Variants in SGCD observed in about 807,000 individuals in gnomAD.
SGCD encodes the protein sarcoglycan delta.
SGCD carries 18 observed loss-of-function variants against 36.6 expected under a neutral mutation model. The ratio of observed to expected loss-of-function variants is 0.49; its 90% CI spans 0.34 to 0.73. The LOEUF is 0.73. Among genes scored for constraint, SGCD ranks in the 30% least tolerant of loss-of-function variants. The pLI is 0.01. For missense variants in SGCD, 387 were observed against 346.7 expected (o/e 1.12, Z -0.92); for synonymous variants, 133 against 130.6 (o/e 1.02, Z -0.12).
chr5:156,620,216 T>C (rs1762189136), intron 6 of SGCD, among the ~76,000 whole-genome samples: 1 of 152,168 alleles, frequency 6.6e-6, no homozygotes, highest in Non-Finnish European at 1.5e-5. Flanking sequence ...TACATAATTA[T>C]GTCAAGTACT....
At chr5:155,897,769 T>C (rs1319580005) in intron 1 of SGCD, among the ~76,000 whole-genome samples, 1 of 152,190 alleles carries the variant, frequency 6.6e-6, no homozygotes, top group African/African-American at 2.4e-5. Flanking sequence ...GATATTACTA[T>C]ATTATAGGAA....
At chr5:155,937,358 G>T (rs946609680) in intron 1 of SGCD, among the ~76,000 whole-genome samples, 15 of 152,190 alleles carry the variant, frequency 9.9e-5, no homozygotes, top group African/African-American at 3.6e-4. Flanking sequence ...TGGAGCCAAG[G>T]TTTGATTCCA....
At chr5:155,889,288 AT>A (rs966456971) in intron 1 of SGCD, among the ~76,000 whole-genome samples, 2 of 151,856 alleles carry the variant, frequency 1.3e-5, no homozygotes, top group African/African-American at 2.4e-5. Flanking sequence ...CAAAAAAATG[AT>A]TTTTTTTCTC....
At chr5:156,673,733 A>C (rs529965288) in intron 7 of SGCD, among the ~76,000 whole-genome samples, 1 of 152,350 alleles carries the variant, frequency 6.6e-6, no homozygotes, top group South Asian at 2.1e-4. Flanking sequence ...TGTGAATTAT[A>C]GTCACTTCAC....
chr5:155,976,136 A>G (rs1407042576), intron 1 of SGCD, among the ~76,000 whole-genome samples: 1 of 152,168 alleles, frequency 6.6e-6, no homozygotes, highest in Non-Finnish European at 1.5e-5. Flanking sequence ...TGTAAGACAG[A>G]TGCACACTGA....
At chr5:156,239,123 G>C (rs565647958) in intron 3 of SGCD, among the ~76,000 whole-genome samples, 2 of 152,186 alleles carry the variant, frequency 1.3e-5, no homozygotes, top group African/African-American at 4.8e-5. Context: ...TTGGAGGCTG[G>C]GCATGGTGGC....
chr5:156,501,584 C>T (rs1477994362), intron 3 of SGCD, among the ~76,000 whole-genome samples: 1 of 152,220 alleles, frequency 6.6e-6, no homozygotes, highest in East Asian at 1.9e-4. Flanking sequence ...GGTAATTCCC[C>T]AGATTCCACC....
At chr5:156,746,789 T>A (rs989142535) in intron 7 of SGCD, among the ~76,000 whole-genome samples, 1 of 152,198 alleles carries the variant, frequency 6.6e-6, no homozygotes, top group Admixed American at 6.5e-5. Flanking sequence ...AATATCTTTG[T>A]GACCTTGGGG....
At position 156,246,899 on chromosome 5, in the gene SGCD, G is replaced by A. The variant is rs141233296; in HGVS notation, c.-43-82635G>A. On this transcript the variant is annotated intron_variant, in intron 3 of 9. Transcript: ENST00000517913. Reference sequence around the variant, plus strand: ...AATGACCACTTTAGGCCTAAAACATGTAATTAAGCTCCAGTACTAAGCATC... The same window carrying A: ...AATGACCACTTTAGGCCTAAAACATATAATTAAGCTCCAGTACTAAGCATC... Among the ~76,000 whole-genome samples the A allele has an allele frequency of 2.3e-4, 35 of 152,188 alleles. No homozygotes were observed. The East Asian group carries it at 6.4e-3, about 28-fold the overall frequency.
chr5:156,257,554 A>C (rs930345557), intron 3 of SGCD, among the ~76,000 whole-genome samples: 5 of 151,934 alleles, frequency 3.3e-5, no homozygotes, highest in African/African-American at 1.2e-4. Flanking sequence ...CACCCTCTGT[A>C]TGCCAGTTTC....
intron 3 of SGCD, among the ~76,000 whole-genome samples, chr5:156,381,059 G>A (rs1046451505): frequency 7.9e-5 from 12 of 152,256 alleles, no homozygotes; most frequent in Admixed American, 1.3e-4. Flanking sequence ...GAAAATAATG[G>A]CAATTGAGAA....
chr5:156,588,818 A>G (rs1760598892), intron 4 of SGCD, among the ~76,000 whole-genome samples: 2 of 152,232 alleles, frequency 1.3e-5, no homozygotes, highest in African/African-American at 4.8e-5. Flanking sequence ...CTCTTCTATA[A>G]GGACTCTGCA....
At chr5:155,759,523 T>G in the SGCD span, among the ~76,000 whole-genome samples, 1 of 152,336 alleles carries the variant, frequency 6.6e-6, no homozygotes, top group South Asian at 2.1e-4. Context: ...AATGACACTG[T>G]GCTTGAAATC....
intron 6 of SGCD, among the ~76,000 whole-genome samples, chr5:156,621,536 T>C (rs546430975): frequency 6.6e-6 from 1 of 152,160 alleles, no homozygotes; most frequent in East Asian, 1.9e-4. Context: ...AAAATGTGCG[T>C]TATGGGAGCA....
intron 7 of SGCD, chr5:156,738,537 A>T (rs1482696685): frequency 1.3e-5 from 2 of 152,244 alleles, no homozygotes; most frequent in African/African-American, 4.8e-5. Context: ...TAGTTGTTAA[A>T]GTTTTAGCAT....
intron 6 of SGCD, among the ~76,000 whole-genome samples, chr5:156,624,607 A>G (rs1762376301): frequency 1.3e-5 from 2 of 152,062 alleles, no homozygotes; most frequent in Non-Finnish European, 2.9e-5. Flanking sequence ...ATATAAAAAT[A>G]ACCACTCTTA....
At chr5:155,792,483 A>G in the SGCD span, among the ~76,000 whole-genome samples, 2 of 150,460 alleles carry the variant, frequency 1.3e-5, no homozygotes, top group Non-Finnish European at 3.0e-5. Flanking sequence ...ACATAATGGG[A>G]GAAACTATTC....
At chr5:156,177,819 A>G (rs1271978481) in intron 3 of SGCD, among the ~76,000 whole-genome samples, 1 of 152,144 alleles carries the variant, frequency 6.6e-6, no homozygotes, top group Non-Finnish European at 1.5e-5. Flanking sequence ...TCTTAAAAAT[A>G]CCCAATATTT....
chr5:156,728,484 C>CT (rs1478678797), intron 7 of SGCD, among the ~76,000 whole-genome samples: 2 of 110,476 alleles, frequency 1.8e-5, no homozygotes, highest in East Asian at 6.3e-4. Flanking sequence ...GCACTCCAGC[C>CT]TGGGTGACAG....
Sources: gnomAD v4.1 joint callset for allele counts (sites outside exome capture counted in the v4.1 genomes callset) on GRCh38, gnomAD v4.1.1 for gene constraint, MANE v1.5 for transcripts, NCBI Gene and HGNC (gene_info 2026-07-23, HGNC 2026-07-21) for gene names.